Variants in DPY19L1 observed in about 807,000 individuals in gnomAD.
DPY19L1 encodes the protein protein C-mannosyl-transferase DPY19L1.
A neutral mutation model predicts 96.9 loss-of-function variants in DPY19L1; 35 were observed. The ratio of observed to expected loss-of-function variants is 0.36; its 90% CI spans 0.28 to 0.48. The LOEUF is 0.48. Among genes scored for constraint, DPY19L1 ranks in the 20% least tolerant of loss-of-function variants. DPY19L1 has a pLI of 0.99. For synonymous variants in DPY19L1, 205 were observed against 252.6 expected, an observed-to-expected ratio of 0.81 and a Z score of 1.79; for missense variants, 521 against 777.9, an observed-to-expected ratio of 0.67 and a Z score of 3.93.
rs2128778314 is a variant in DPY19L1, at chr7:34,929,391, A to C, written c.*2182T>G. 6.6e-6 allele frequency: 1 copy of C among 152,298 alleles called. No homozygotes were observed. Among genetic ancestry groups the C allele is most frequent in the South Asian group, 2.1e-4 (1 of 4,828 alleles). The allele number at this position is 152,298 out of a possible 1,614,324, so 9.4% of individuals were successfully genotyped here. On this transcript the variant is annotated 3_prime_UTR_variant, in exon 22 of 22. Coordinates refer to ENST00000638088, the MANE Select transcript of DPY19L1 (RefSeq NM_001366673.1). ...CCATATTTTGCTGGGGGTTACATTC[A>C]TAAACACTGCTACAAAAGGATCCTT...
rs930127212 is a variant in DPY19L1 at position 34,959,923 on chromosome 7, A to T, written c.1093-1853T>A. The stretch of plus-strand genomic sequence containing the variant: ...AATATATATATATATATATATATAT[A>T]TTTATATATATATATATATATATAA... On this transcript the variant is annotated intron_variant, in intron 10 of 21. Transcript: ENST00000638088. Among the ~76,000 whole-genome samples, 175 of 22,798 alleles carry T rather than the reference A, an allele frequency of 7.7e-3. 2 individuals carry two copies. The highest frequency in any genetic ancestry group is 0.041 in the African/African-American group (102 of 2,508). The allele number at this position is 22,798 out of a possible 152,430, so 15.0% of individuals were successfully genotyped here.
In DPY19L1 at chr7:34,945,677, T is replaced by C; in HGVS notation, c.1534A>G (p.Thr512Ala). The C allele has an allele frequency of 1.3e-6, 2 of 1,599,234 alleles. No homozygotes were observed. The highest frequency in any genetic ancestry group is 1.7e-6 in the Non-Finnish European group (2 of 1,171,698). ...DMWGVLAKQQ[T>A]HVRKHQFDHG... ...TAATAGCATATTTACCTTACATGTG[T>C]CTGTTGTTTAGCTAAGACACCCCAC... Residue 512 changes from threonine to alanine, a missense_variant, in exon 16 of 22, where the codon ACA becomes GCA. Physicochemically the swap from Thr to Ala is moderately conservative, Grantham distance 58. Transcript: ENST00000638088.
chr7:34,964,787 A>G (rs1414016186), intron 10 of DPY19L1, among the ~76,000 whole-genome samples: 1 of 152,196 alleles, frequency 6.6e-6, no homozygotes, highest in Non-Finnish European at 1.5e-5. Context: ...ATCAACATAA[A>G]TAACAAAAAT....
intron 6 of DPY19L1, among the ~76,000 whole-genome samples, chr7:34,998,470 GA>G (rs1785343872): frequency 6.6e-6 from 1 of 152,234 alleles, no homozygotes; most frequent in South Asian, 2.1e-4. Flanking sequence ...CCCTGCCTCA[GA>G]AAGTGTGTGC....
At chr7:34,970,316 T>C (rs1001158544) in intron 8 of DPY19L1, among the ~76,000 whole-genome samples, 5 of 152,180 alleles carry the variant, frequency 3.3e-5, no homozygotes, top group African/African-American at 1.2e-4. Flanking sequence ...CTTCCCCAAG[T>C]ATCCCTTCTC....
chr7:34,957,961 T>C (rs1784413766), intron 11 of DPY19L1, 23 bp downstream of exon 11: 1 of 1,467,950 alleles, frequency 6.8e-7, no homozygotes, highest in Non-Finnish European at 9.3e-7. Context: ...AAAACAGCCA[T>C]ATAAGTGTTA....
At chr7:34,937,575 T>C (rs1399064702) in intron 21 of DPY19L1, among the ~76,000 whole-genome samples, 3 of 152,020 alleles carry the variant, frequency 2.0e-5, no homozygotes, top group Non-Finnish European at 4.4e-5. Flanking sequence ...CACATACAAA[T>C]CATTATTTAA....
At chr7:34,943,191 T>C (rs550186408) in intron 16 of DPY19L1, among the ~76,000 whole-genome samples, 25 of 152,314 alleles carry the variant, frequency 1.6e-4, no homozygotes, top group African/African-American at 6.0e-4. Flanking sequence ...CCAGGTAGCA[T>C]ATAATCTAAT....
intron 7 of DPY19L1, among the ~76,000 whole-genome samples, chr7:34,981,159 A>G (rs1366148925): frequency 2.0e-5 from 3 of 152,190 alleles, no homozygotes; most frequent in Non-Finnish European, 2.9e-5. Flanking sequence ...TAATGTGTGA[A>G]AAGTATATAT....
At chr7:34,999,449 C>A (rs1401452989) in intron 6 of DPY19L1, among the ~76,000 whole-genome samples, 1 of 152,170 alleles carries the variant, frequency 6.6e-6, no homozygotes, top group Non-Finnish European at 1.5e-5. Flanking sequence ...TTGGAAATTA[C>A]CTGAGGATAT....
chr7:34,980,550 T>C (rs571727044), intron 7 of DPY19L1, among the ~76,000 whole-genome samples: 3 of 152,126 alleles, frequency 2.0e-5, no homozygotes, highest in Non-Finnish European at 2.9e-5. Flanking sequence ...TTGTAGAACA[T>C]ATATTCTATA....
chr7:34,984,885 T>A (rs1258553340), intron 7 of DPY19L1, among the ~76,000 whole-genome samples: 2 of 152,184 alleles, frequency 1.3e-5, no homozygotes, highest in Admixed American at 1.3e-4. Context: ...TCCTTGCTAC[T>A]GCCCAGTATT....
At position 34,962,061 on chromosome 7, in the gene DPY19L1, A is replaced by G. The variant is rs187353889; in HGVS notation, c.1093-3991T>C. ...TGGCAATTTCCTAAAAACTAAGCAT[A>G]CTCTCACCATACCATCCAAATATCA... On this transcript the variant is annotated intron_variant, in intron 10 of 21. Transcript: ENST00000638088. 7.2e-5 allele frequency among the ~76,000 whole-genome samples: 11 copies of G among 152,244 alleles called. No homozygotes were observed. The East Asian group carries it at 2.1e-3, about 29-fold the overall frequency.
chr7:35,002,873 A>AC (rs1785461943), intron 6 of DPY19L1, among the ~76,000 whole-genome samples: 1 of 152,162 alleles, frequency 6.6e-6, no homozygotes, highest in Non-Finnish European at 1.5e-5. Flanking sequence ...GGTTCACGCC[A>AC]TTCTCCTGCC....
intron 3 of DPY19L1, among the ~76,000 whole-genome samples, chr7:35,014,919 T>C (rs549543698): frequency 3.3e-5 from 5 of 152,180 alleles, no homozygotes; most frequent in African/African-American, 1.2e-4. Context: ...GAGACTGGGG[T>C]GAGGCATCAG....
intron 21 of DPY19L1, among the ~76,000 whole-genome samples, 175 bp from the exon 22 acceptor site, chr7:34,931,904 T>C (rs918663031): frequency 1.3e-5 from 2 of 152,210 alleles, no homozygotes; most frequent in African/African-American, 4.8e-5. Flanking sequence ...TGACTCACCT[T>C]AGGACAAGGT....
intron 6 of DPY19L1, among the ~76,000 whole-genome samples, chr7:34,999,648 G>A (rs1415524389): frequency 6.6e-6 from 1 of 152,168 alleles, no homozygotes; most frequent in East Asian, 1.9e-4. Context: ...CCAGGAGGGA[G>A]GCCCCAGGGG....
intron 1 of DPY19L1, among the ~76,000 whole-genome samples, chr7:35,023,134 C>G (rs1786034968): frequency 6.6e-6 from 1 of 152,132 alleles, no homozygotes. Flanking sequence ...GACGAAGACA[C>G]TGAACAAACC....
At chr7:35,037,714 C>T, upstream of DPY19L1, 3 of 655,264 alleles carry the variant, frequency 4.6e-6, no homozygotes, top group Non-Finnish European at 3.8e-6. Flanking sequence ...GCCCCGCCCC[C>T]GCCGCCCCTC....
Sources: allele counts gnomAD v4.1 joint callset (sites outside exome capture counted in the v4.1 genomes callset), GRCh38; gene constraint gnomAD v4.1.1; transcripts MANE v1.5; gene names NCBI Gene and HGNC (gene_info 2026-07-23, HGNC 2026-07-21).